KCNAB1: variants seen among roughly 807,000 people sequenced by gnomAD.
KCNAB1 encodes potassium voltage-gated channel subfamily A regulatory beta subunit 1, also known as voltage-gated potassium channel subunit beta-1.
A neutral mutation model predicts 64.6 loss-of-function variants in KCNAB1; 35 were observed. The ratio of observed to expected loss-of-function variants is 0.54; its 90% confidence interval spans 0.41 to 0.72. The LOEUF is 0.72. KCNAB1 is among the 30% of genes least tolerant of loss of function. KCNAB1 has a pLI of 0.00. For synonymous variants in KCNAB1, 177 were observed against 183.8 expected, an observed-to-expected ratio of 0.96 and a Z score of 0.30; for missense variants, 401 against 512.9, an observed-to-expected ratio of 0.78 and a Z score of 2.11.
intron 1 of KCNAB1, among the ~76,000 whole-genome samples, chr3:156,378,821 G>A (rs1195635242): frequency 6.6e-6 from 1 of 152,102 alleles, no homozygotes; most frequent in Non-Finnish European, 1.5e-5. Flanking sequence ...GAACGAGGAG[G>A]GTCAAGAGCC....
intron 1 of KCNAB1, among the ~76,000 whole-genome samples, chr3:156,152,937 C>T (rs913853952): frequency 1.3e-5 from 2 of 152,162 alleles, no homozygotes; most frequent in African/African-American, 4.8e-5. Context: ...TCTTCCTCTA[C>T]CTCTATTTTT....
intron 1 of KCNAB1, among the ~76,000 whole-genome samples, chr3:156,414,240 C>T (rs549037040): frequency 2.8e-3 from 426 of 152,304 alleles, no homozygotes; most frequent in Non-Finnish European, 4.6e-3. Context: ...AAACTAATTA[C>T]AGCTCTCATC....
chr3:156,371,307 C>A (rs1726291428), intron 1 of KCNAB1, among the ~76,000 whole-genome samples: 1 of 152,110 alleles, frequency 6.6e-6, no homozygotes, highest in Non-Finnish European at 1.5e-5. Context: ...TGAATATTAA[C>A]CTCTTGAGCT....
At chr3:156,125,323 A>G (rs1713592282) in intron 1 of KCNAB1, among the ~76,000 whole-genome samples, 1 of 152,216 alleles carries the variant, frequency 6.6e-6, no homozygotes, top group Non-Finnish European at 1.5e-5. Flanking sequence ...ACAAAAGTAT[A>G]TACTTCACCT....
intron 1 of KCNAB1, among the ~76,000 whole-genome samples, chr3:156,297,939 T>A (rs897631422): frequency 3.3e-5 from 5 of 152,222 alleles, no homozygotes; most frequent in African/African-American, 1.2e-4. Context: ...GTTTGGTTAT[T>A]TGAAATGCCA....
rs114567570 is a variant in KCNAB1, at chr3:156,372,717, A to G, written c.276-48899A>G. On this transcript the variant is annotated intron_variant, in intron 1 of 13. Transcript: ENST00000490337. ...AGATGCTTCAACAAGAGGACACTGT[A>G]GACAAAGAAACAGCGTGATGTTTCA... 5.9e-3 allele frequency among the ~76,000 whole-genome samples: 898 copies of G among 152,356 alleles called. 10 individuals carry two copies. The highest frequency in any genetic ancestry group is 0.02 in the African/African-American group (814 of 41,574).
intron 8 of KCNAB1, among the ~76,000 whole-genome samples, chr3:156,499,242 T>C (rs1576943843): frequency 6.6e-6 from 1 of 152,226 alleles, no homozygotes; most frequent in East Asian, 1.9e-4. Context: ...CATCTTGCAG[T>C]CCTGATTTGG....
chr3:156,382,824 C>T (rs1230183556), intron 1 of KCNAB1, among the ~76,000 whole-genome samples: 3 of 152,220 alleles, frequency 2.0e-5, no homozygotes, highest in Non-Finnish European at 4.4e-5. Context: ...ATAAGCAGAG[C>T]ACCCTGCCTA....
intron 1 of KCNAB1, among the ~76,000 whole-genome samples, chr3:156,212,241 C>A (rs903972890): frequency 5.9e-5 from 9 of 152,102 alleles, no homozygotes; most frequent in East Asian, 1.9e-4. Flanking sequence ...CTGGAACACT[C>A]AAGTCCAAGC....
chr3:156,150,789 G>A (rs1560109109), intron 1 of KCNAB1, among the ~76,000 whole-genome samples: 1 of 152,138 alleles, frequency 6.6e-6, no homozygotes, highest in Non-Finnish European at 1.5e-5. Context: ...CCTTGATTAT[G>A]ACAATGGGAA....
At chr3:156,177,579 G>A (rs1007976865) in intron 1 of KCNAB1, among the ~76,000 whole-genome samples, 24 of 151,628 alleles carry the variant, frequency 1.6e-4, no homozygotes, top group Middle Eastern at 3.4e-3. Context: ...GGGTTTCACC[G>A]TGTTAGCCAG....
chr3:156,290,742 A>G (rs928520070), intron 1 of KCNAB1, among the ~76,000 whole-genome samples: 13 of 152,186 alleles, frequency 8.5e-5, no homozygotes. Context: ...CACCTAGTGC[A>G]TCCCCCTCCT....
chr3:156,264,401 T>G (rs1718586989), intron 1 of KCNAB1, among the ~76,000 whole-genome samples: 2 of 152,128 alleles, frequency 1.3e-5, no homozygotes, highest in African/African-American at 4.8e-5. Context: ...TATGATTTAA[T>G]TTACGTTTAC....
At chr3:156,145,258 C>A (rs899055661) in intron 1 of KCNAB1, among the ~76,000 whole-genome samples, 5 of 152,164 alleles carry the variant, frequency 3.3e-5, no homozygotes, top group Non-Finnish European at 7.3e-5. Context: ...TGATCATTAA[C>A]CCTAAGAAAT....
intron 1 of KCNAB1, among the ~76,000 whole-genome samples, chr3:156,226,677 G>A (rs1449725770): frequency 6.6e-6 from 1 of 151,004 alleles, no homozygotes; most frequent in Non-Finnish European, 1.5e-5. Context: ...AGTACCACCT[G>A]TTCCCCAAAA....
chr3:156,477,301 C>T (rs1026462656), intron 8 of KCNAB1, among the ~76,000 whole-genome samples: 1 of 152,108 alleles, frequency 6.6e-6, no homozygotes, highest in Non-Finnish European at 1.5e-5. Flanking sequence ...ATATACAATT[C>T]CACAAAGCGG....
At chr3:156,431,107 T>C (rs1475535869) in intron 2 of KCNAB1, among the ~76,000 whole-genome samples, 1 of 152,126 alleles carries the variant, frequency 6.6e-6, no homozygotes, top group South Asian at 2.1e-4. Context: ...ATTTTGGTTT[T>C]TGTGTGGATA....
At chr3:156,470,597 C>T (rs1231045392) in intron 7 of KCNAB1, among the ~76,000 whole-genome samples, 3 of 152,196 alleles carry the variant, frequency 2.0e-5, no homozygotes, top group Admixed American at 6.5e-5. Flanking sequence ...ATAAGTAAAT[C>T]GCTTGTATAT....
intron 1 of KCNAB1, among the ~76,000 whole-genome samples, chr3:156,281,525 G>A (rs1719715035): frequency 6.6e-6 from 1 of 152,100 alleles, no homozygotes; most frequent in African/African-American, 2.4e-5. Context: ...GATTGGAATA[G>A]TTTCAGAAGG....
Sources: gnomAD v4.1 joint callset for allele counts (sites outside exome capture counted in the v4.1 genomes callset) on GRCh38, gnomAD v4.1.1 for gene constraint, MANE v1.5 for transcripts, NCBI Gene and HGNC (gene_info 2026-07-23, HGNC 2026-07-21) for gene names.